Variants in AKR1C3 observed in about 807,000 individuals in gnomAD.
AKR1C3 encodes aldo-keto reductase family 1 member C3, also known as 3-alpha hydroxysteroid dehydrogenase, type II.
AKR1C3 carries 48 observed loss-of-function variants against 43.6 expected under a neutral mutation model. The ratio of observed to expected loss-of-function variants is 1.10; its 90% CI spans 0.87 to 1.40. The LOEUF is 1.40. Among genes scored for constraint, AKR1C3 ranks in the 40% most tolerant of loss-of-function variants. The probability of loss-of-function intolerance (pLI) is 0.00; values close to 1 mark genes in which losing one functional copy is unlikely to be tolerated. For synonymous variants in AKR1C3, 162 were observed against 139.6 expected, an observed-to-expected ratio of 1.16 and a Z score of -1.13; for missense variants, 482 against 391.2, an observed-to-expected ratio of 1.23 and a Z score of -1.96.
chr10:5,068,712 G>C (rs1312780613), intron 1 of AKR1C3, among the ~76,000 whole-genome samples: 1 of 152,136 alleles, frequency 6.6e-6, no homozygotes, highest in African/African-American at 2.4e-5. Flanking sequence ...GGGGTGGCAG[G>C]GACTCAGGGG....
chr10:5,074,262 A>G lies in AKR1C3; in HGVS notation c.85-22148A>G, dbSNP rs2131808090. On this transcript the variant is annotated intron_variant, in intron 1 of 8. Transcript: ENST00000439082. ...CCTCAGGACCTCCTGAGGGTGTGTCATGGTCATTTGTCCTCAATATTGGCA... is the reference window on the plus strand; with the variant it reads ...CCTCAGGACCTCCTGAGGGTGTGTCGTGGTCATTTGTCCTCAATATTGGCA... Among the ~76,000 whole-genome samples the G allele has an allele frequency of 1.3e-5, 2 of 152,306 alleles. 1 individual carries two copies. The highest frequency in any genetic ancestry group is 4.1e-4 in the South Asian group (2 of 4,820).
At chr10:5,082,348 ATCCTTGTCTTGTTCCAGTTCTT>A (rs1161074644) in intron 1 of AKR1C3, among the ~76,000 whole-genome samples, 5 of 152,162 alleles carry the variant, frequency 3.3e-5, no homozygotes, top group Admixed American at 3.3e-4. Flanking sequence ...TGGAGTGGAC[ATCCTTGTCTTGTTCCAGTTCTT>A]AGGGGAAAGG....
intron 7 of AKR1C3, among the ~76,000 whole-genome samples, chr10:5,104,764 T>C (rs2131851976): frequency 6.6e-6 from 1 of 152,282 alleles, no homozygotes; most frequent in Admixed American, 6.5e-5. Flanking sequence ...TTTATAACAT[T>C]CTCCATTAAA....
upstream of AKR1C3, among the ~76,000 whole-genome samples, chr10:5,089,812 A>G (rs1182662406): frequency 2.0e-5 from 3 of 152,134 alleles, no homozygotes; most frequent in African/African-American, 4.8e-5. Flanking sequence ...CAGATTTTTT[A>G]TGGTGCAAGA....
chr10:5,050,646 T>C (rs184632454), intron 1 of AKR1C3, among the ~76,000 whole-genome samples: 50 of 152,336 alleles, frequency 3.3e-4, no homozygotes, highest in African/African-American at 1.2e-3. Flanking sequence ...AAAAGGAAAT[T>C]ATTAAATGAA....
intron 1 of AKR1C3, chr10:5,082,013 G>C (rs1378767622): frequency 1.4e-5 from 2 of 144,554 alleles, no homozygotes; most frequent in African/African-American, 5.8e-5. Flanking sequence ...GTTTGTCTTA[G>C]AAGGATCATT....
intron 1 of AKR1C3, chr10:5,080,746 T>G (rs1317861416): frequency 1.3e-5 from 2 of 152,328 alleles, no homozygotes; most frequent in African/African-American, 4.8e-5. Context: ...TTCTTCGTAG[T>G]GTTAGATGAA....
chr10:5,085,868 T>C (rs1223256350), intron 1 of AKR1C3, among the ~76,000 whole-genome samples: 4 of 151,894 alleles, frequency 2.6e-5, no homozygotes, highest in Admixed American at 2.6e-4. Flanking sequence ...TGCATAGAGG[T>C]GTTTACAGTA....
intron 7 of AKR1C3, 115 bp downstream of exon 7, chr10:5,102,765 A>G: frequency 1.3e-6 from 2 of 1,511,234 alleles, no homozygotes; most frequent in Non-Finnish European, 1.8e-6. Flanking sequence ...TATTTCCCAT[A>G]TGAATGCTTT....
At chr10:5,097,814 A>C in intron 3 of AKR1C3, 2 of 1,208,404 alleles carry the variant, frequency 1.7e-6, no homozygotes, top group Non-Finnish European at 2.1e-6. Context: ...CTTTCAAGGC[A>C]CTGTCTTAGT....
intron 1 of AKR1C3, among the ~76,000 whole-genome samples, chr10:5,055,062 C>G (rs564971404): frequency 2.6e-5 from 4 of 152,344 alleles, no homozygotes; most frequent in Non-Finnish European, 5.9e-5. Flanking sequence ...CACATTTATT[C>G]TTTTTCCCTT....
At chr10:5,062,364 T>C (rs1838398796) in intron 1 of AKR1C3, among the ~76,000 whole-genome samples, 1 of 152,154 alleles carries the variant, frequency 6.6e-6, no homozygotes, top group Non-Finnish European at 1.5e-5. Flanking sequence ...TCGTGGACTG[T>C]TTTCTGTCTA....
chr10:5,107,535 G>C lies in AKR1C3; in HGVS notation c.*32G>C, dbSNP rs781841468. On this transcript the variant is annotated 3_prime_UTR_variant, in exon 9 of 9. Transcript: ENST00000380554. Reference sequence around the variant, plus strand: ...GGGCTTTGCCTGATGTCTACCAGAAGCCCTGTGTGTGGATGGTGACGCAGA... The same window carrying C: ...GGGCTTTGCCTGATGTCTACCAGAACCCCTGTGTGTGGATGGTGACGCAGA... 5.2e-6 allele frequency: 8 copies of C among 1,542,298 alleles called. No individual in the cohort carries two copies. The African/African-American group carries it at 1.1e-4, about 21-fold the overall frequency.
intron 3 of AKR1C3, among the ~76,000 whole-genome samples, 159 bp from the exon 4 acceptor site, chr10:5,098,643 C>T (rs1839272378): frequency 6.6e-6 from 1 of 152,154 alleles, no homozygotes; most frequent in Non-Finnish European, 1.5e-5. Flanking sequence ...GAATACATTC[C>T]TTATACCTTC....
At chr10:5,091,568 C>A (rs1254952871), upstream of AKR1C3, among the ~76,000 whole-genome samples, 1 of 152,036 alleles carries the variant, frequency 6.6e-6, no homozygotes, top group Non-Finnish European at 1.5e-5. Context: ...ATTCCTTTCT[C>A]AATTGCTCTT....
intron 1 of AKR1C3, among the ~76,000 whole-genome samples, chr10:5,057,629 C>A (rs1251383258): frequency 2.6e-5 from 4 of 152,160 alleles, no homozygotes; most frequent in African/African-American, 2.4e-5. Flanking sequence ...AATTCATGTG[C>A]TTTTTTCTAA....
At chr10:5,075,189 G>C (rs1838687962) in intron 1 of AKR1C3, among the ~76,000 whole-genome samples, 1 of 148,160 alleles carries the variant, frequency 6.7e-6, no homozygotes, top group African/African-American at 2.5e-5. Context: ...CAAGATTTAA[G>C]TCCCTCTCTC....
At chr10:5,058,761 G>T (rs1400072486) in intron 1 of AKR1C3, among the ~76,000 whole-genome samples, 1 of 152,178 alleles carries the variant, frequency 6.6e-6, no homozygotes, top group Non-Finnish European at 1.5e-5. Flanking sequence ...ACCAAGGAAG[G>T]TTGGATTTAG....
intron 1 of AKR1C3, among the ~76,000 whole-genome samples, chr10:5,088,725 T>C (rs544948275): frequency 1.3e-5 from 2 of 151,960 alleles, no homozygotes; most frequent in South Asian, 2.1e-4. Flanking sequence ...CTCCTGTAGA[T>C]AAAAGCTGTT....
Sources: allele counts gnomAD v4.1 joint callset (sites outside exome capture counted in the v4.1 genomes callset), GRCh38; gene constraint gnomAD v4.1.1; transcripts MANE v1.5; gene names NCBI Gene and HGNC (gene_info 2026-07-23, HGNC 2026-07-21).